Variants in PRIM2 observed in about 807,000 individuals in gnomAD.
PRIM2 encodes the protein DNA primase large subunit.
A neutral mutation model predicts 67.3 loss-of-function variants in PRIM2; 39 were observed. That is an observed-to-expected ratio of 0.58 (90% CI 0.45 to 0.76). The LOEUF (loss-of-function observed/expected upper bound fraction) is 0.76. Among genes scored for constraint, PRIM2 ranks in the 30% least tolerant of loss-of-function variants. The pLI is 0.00. For missense variants in PRIM2, 398 were observed against 598.7 expected, an observed-to-expected ratio of 0.66 and a Z score of 3.50; for synonymous variants, 143 against 198.7, an observed-to-expected ratio of 0.72 and a Z score of 2.36.
chr6:57,225,246 T>C, the PRIM2 span, among the ~76,000 whole-genome samples: 2 of 152,240 alleles, frequency 1.3e-5, no homozygotes, highest in Non-Finnish European at 2.9e-5. Flanking sequence ...TTATCTGTCA[T>C]TTGTCAATTT....
the PRIM2 span, among the ~76,000 whole-genome samples, chr6:57,288,011 G>A: frequency 3.3e-5 from 5 of 152,166 alleles, no homozygotes; most frequent in South Asian, 2.1e-4. Flanking sequence ...GGGATTTCCC[G>A]TTCCTAGTCA....
intron 5 of PRIM2, among the ~76,000 whole-genome samples, chr6:57,345,170 T>A (rs1437674374): frequency 6.6e-6 from 1 of 152,070 alleles, no homozygotes; most frequent in African/African-American, 2.4e-5. Context: ...TATTAATTTT[T>A]TTTTTTGAGA....
intron 10 of PRIM2, among the ~76,000 whole-genome samples, chr6:57,592,919 A>T (rs1776306268): frequency 6.6e-6 from 1 of 152,222 alleles, no homozygotes; most frequent in African/African-American, 2.4e-5. Flanking sequence ...ATAGTGTTTG[A>T]ATAGATTTGG....
At chr6:57,291,041 C>A in the PRIM2 span, among the ~76,000 whole-genome samples, 1 of 151,946 alleles carries the variant, frequency 6.6e-6, no homozygotes, top group African/African-American at 2.4e-5. Context: ...AAAAACCCTT[C>A]AAAAAATCAA....
chr6:57,490,710 G>C (rs1554345895), intron 7 of PRIM2, among the ~76,000 whole-genome samples: 1 of 152,174 alleles, frequency 6.6e-6, no homozygotes, highest in African/African-American at 2.4e-5. Flanking sequence ...GTGGATTGTT[G>C]AACTTGAATA....
chr6:57,642,080 A>C (rs1417871022), intron 13 of PRIM2, among the ~76,000 whole-genome samples: 6 of 152,244 alleles, frequency 3.9e-5, no homozygotes, highest in Non-Finnish European at 7.3e-5. Context: ...TGTCCTTTGC[A>C]GGGACATGGA....
rs570128329 is a variant in PRIM2 at position 57,410,148 on chromosome 6, G to C, written c.693+27980G>C. 1.3e-3 allele frequency among the ~76,000 whole-genome samples: 190 copies of C among 151,928 alleles called. 5 individuals carry two copies. The East Asian group carries it at 0.016, about 13-fold the overall frequency. On this transcript the variant is annotated intron_variant, in intron 7 of 13. Coordinates refer to ENST00000615550, the MANE Select transcript of PRIM2 (RefSeq NM_000947.5). Reference sequence around the variant, plus strand: ...AGCCTGGTCAACATGGTGAAACCCTGTCTAAAATACTAAAAAATACAAAAA... The same window carrying C: ...AGCCTGGTCAACATGGTGAAACCCTCTCTAAAATACTAAAAAATACAAAAA...
At chr6:57,339,565 A>C (rs1562702130) in intron 5 of PRIM2, among the ~76,000 whole-genome samples, 2 of 152,174 alleles carry the variant, frequency 1.3e-5, no homozygotes, top group Non-Finnish European at 2.9e-5. Context: ...ATCTACAACT[A>C]TCTGATCTTT....
chr6:57,535,586 G>A (rs1774986707), intron 9 of PRIM2, among the ~76,000 whole-genome samples: 3 of 152,112 alleles, frequency 2.0e-5, no homozygotes. Context: ...TATTGGCCAG[G>A]CGCAGTGGGT....
intron 7 of PRIM2, among the ~76,000 whole-genome samples, chr6:57,433,235 AT>A (rs1771891923): frequency 6.6e-6 from 1 of 151,930 alleles, no homozygotes; most frequent in Admixed American, 6.6e-5. Context: ...GTTCTATTTT[AT>A]TTTATTTTAA....
chr6:57,411,683 A>G (rs1302740525), intron 7 of PRIM2, among the ~76,000 whole-genome samples: 1 of 152,162 alleles, frequency 6.6e-6, no homozygotes, highest in Non-Finnish European at 1.5e-5. Context: ...CATTCCTGGG[A>G]TAAACCTACT....
At chr6:57,307,231 T>A in the PRIM2 span, among the ~76,000 whole-genome samples, 10 of 142,662 alleles carry the variant, frequency 7.0e-5, no homozygotes, top group Admixed American at 2.2e-4. Context: ...AAAAAAAAAA[T>A]AAAAAAATAA....
At chr6:57,608,872 T>A (rs1426157016) in intron 12 of PRIM2, among the ~76,000 whole-genome samples, 1 of 152,106 alleles carries the variant, frequency 6.6e-6, no homozygotes, top group Non-Finnish European at 1.5e-5. Context: ...GATGAAGATA[T>A]AAAAGAAAGA....
chr6:57,418,795 T>G lies in PRIM2; in HGVS notation c.693+36627T>G, dbSNP rs1338092287. Among the ~76,000 whole-genome samples, 13 of 152,310 alleles carry G rather than the reference T, an allele frequency of 8.5e-5. No individual in the cohort carries two copies. In the East Asian group the frequency reaches 9.6e-4, roughly 11 times the overall value. ...CTATAGAGGGACTTAGGAAATAGCT[T>G]TCATGTTTTACTTTTGTCATGCCAG... On this transcript the variant is annotated intron_variant, in intron 7 of 13. Coordinates refer to ENST00000615550, the MANE Select transcript of PRIM2 (RefSeq NM_000947.5).
chr6:57,506,875 T>TA (rs1477481948), intron 7 of PRIM2, among the ~76,000 whole-genome samples: 1 of 152,084 alleles, frequency 6.6e-6, no homozygotes. Context: ...TCTGTATACT[T>TA]AAAAGATATC....
chr6:57,416,259 T>C (rs1158982066), intron 7 of PRIM2, among the ~76,000 whole-genome samples: 2 of 152,222 alleles, frequency 1.3e-5, no homozygotes, highest in Non-Finnish European at 2.9e-5. Context: ...ATCAGAGCTC[T>C]TCAGTGACCA....
At chr6:57,551,617 A>G (rs1359369720) in intron 10 of PRIM2, among the ~76,000 whole-genome samples, 1 of 152,076 alleles carries the variant, frequency 6.6e-6, no homozygotes, top group Non-Finnish European at 1.5e-5. Flanking sequence ...AGTATCTACT[A>G]TGTCCCAGGT....
intron 5 of PRIM2, among the ~76,000 whole-genome samples, chr6:57,349,939 AG>A (rs1305124039): frequency 2.5e-4 from 38 of 152,178 alleles, no homozygotes; most frequent in Non-Finnish European, 5.0e-4. Flanking sequence ...ACTTACTTTC[AG>A]TACCCTTAAG....
At chr6:57,231,764 A>G in the PRIM2 span, among the ~76,000 whole-genome samples, 1 of 152,156 alleles carries the variant, frequency 6.6e-6, no homozygotes, top group Admixed American at 6.5e-5. Context: ...CAAAATTATA[A>G]ATGTGTATTT....
Sources: gnomAD v4.1 joint callset for allele counts (sites outside exome capture counted in the v4.1 genomes callset) on GRCh38, gnomAD v4.1.1 for gene constraint, MANE v1.5 for transcripts, NCBI Gene and HGNC (gene_info 2026-07-23, HGNC 2026-07-21) for gene names.